MAOB: variants seen among roughly 807,000 people sequenced by gnomAD.
MAOB encodes the protein amine oxidase [flavin-containing] B.
A neutral mutation model predicts 41.9 loss-of-function variants in MAOB; 15 were observed. That is an observed-to-expected ratio of 0.36 (90% confidence interval 0.24 to 0.55). The LOEUF (loss-of-function observed/expected upper bound fraction) is 0.55, where lower values mean the gene tolerates loss of function less well. Ranked by LOEUF, MAOB falls within the 20% of genes least tolerant of loss-of-function variation. The pLI is 0.86. For missense variants in MAOB, 345 were observed against 398.7 expected (o/e 0.87, Z 1.15); for synonymous variants, 167 against 144.2 (o/e 1.16, Z -1.13).
chrX:43,774,302 TTAAC>T (rs1024486315), intron 12 of MAOB, among the ~76,000 whole-genome samples: 1 of 111,791 alleles, frequency 8.9e-6, no homozygotes, highest in African/African-American at 3.3e-5. Flanking sequence ...ATCAAATAAA[TTAAC>T]TAAACAACAA....
rs113172112 is a variant in MAOB at position 43,775,820 on chromosome X, G to A, written c.1138-548C>T. On this transcript the variant is annotated intron_variant, in intron 11 of 14. Transcript: ENST00000378069. ...AAAAATATGTTTTTGACACGAACAGGAAAAATTGGCAGAGATTTTGTAAAG... is the reference window on the plus strand; with the variant it reads ...AAAAATATGTTTTTGACACGAACAGAAAAAATTGGCAGAGATTTTGTAAAG... Among the ~76,000 whole-genome samples, 757 of 112,011 alleles carry A rather than the reference G, an allele frequency of 6.8e-3. 12 individuals are homozygous for A. The highest frequency in any genetic ancestry group is 0.024 in the African/African-American group (734 of 30,859).
chrX:43,840,929 T>C (rs1348963161), intron 2 of MAOB, among the ~76,000 whole-genome samples: 1 of 102,507 alleles, frequency 9.8e-6, no homozygotes, highest in Non-Finnish European at 2.0e-5. Context: ...AAGTGGTGCC[T>C]GGAACACCAG....
At chrX:43,830,203 C>T (rs936034646) in intron 3 of MAOB, among the ~76,000 whole-genome samples, 8 of 111,761 alleles carry the variant, frequency 7.2e-5, no homozygotes, top group African/African-American at 2.6e-4. Flanking sequence ...AGATTTCACG[C>T]ATATATCAAA....
intron 1 of MAOB, among the ~76,000 whole-genome samples, chrX:43,871,757 C>T (rs894979660): frequency 9.1e-6 from 1 of 109,664 alleles, no homozygotes; most frequent in African/African-American, 3.3e-5. Flanking sequence ...TTTGATGAAA[C>T]GAGGACAACT....
At chrX:43,771,122 A>G (rs1039182265) in intron 12 of MAOB, among the ~76,000 whole-genome samples, 2 of 111,963 alleles carry the variant, frequency 1.8e-5, no homozygotes, top group Non-Finnish European at 3.8e-5. Context: ...GGAGAAGAAA[A>G]TACAAGGAGA....
chrX:43,807,989 G>C (rs551203087), intron 3 of MAOB, among the ~76,000 whole-genome samples: 1 of 111,369 alleles, frequency 9.0e-6, no homozygotes, highest in African/African-American at 3.3e-5. Context: ...ACCCACTATG[G>C]TCTCTGCAGA....
intron 3 of MAOB, among the ~76,000 whole-genome samples, chrX:43,825,019 A>G (rs962264001): frequency 2.7e-5 from 3 of 112,678 alleles, no homozygotes; most frequent in African/African-American, 9.7e-5. Flanking sequence ...TCTAGGCCCT[A>G]TGCCATTTAG....
chrX:43,771,443 C>T (rs1431734065), intron 12 of MAOB, among the ~76,000 whole-genome samples: 1 of 111,478 alleles, frequency 9.0e-6, no homozygotes, highest in African/African-American at 3.3e-5. Flanking sequence ...ATAATATTTT[C>T]AATTTATGGT....
At chrX:43,822,893 A>G (rs2034899228) in intron 3 of MAOB, among the ~76,000 whole-genome samples, 1 of 110,551 alleles carries the variant, frequency 9.0e-6, no homozygotes, top group African/African-American at 3.3e-5. Flanking sequence ...CACCATCACC[A>G]TCATCATCAT....
chrX:43,810,604 A>T (rs1323225672), intron 3 of MAOB, among the ~76,000 whole-genome samples: 1 of 110,011 alleles, frequency 9.1e-6, no homozygotes, highest in Non-Finnish European at 1.9e-5. Flanking sequence ...TAATAATAAT[A>T]AAAAAAAGAA....
intron 3 of MAOB, among the ~76,000 whole-genome samples, chrX:43,812,331 G>T (rs1601996997): frequency 8.9e-6 from 1 of 112,484 alleles, no homozygotes; most frequent in Non-Finnish European, 1.9e-5. Context: ...TCTTTGATAT[G>T]CTGATTTCCT....
chrX:43,864,138 T>C (rs1414650327), intron 1 of MAOB, among the ~76,000 whole-genome samples: 1 of 111,704 alleles, frequency 9.0e-6, no homozygotes, highest in Non-Finnish European at 1.9e-5. Context: ...ACTTACTACA[T>C]GTTAAACATA....
At chrX:43,781,699 A>G (rs773569491) in intron 8 of MAOB, among the ~76,000 whole-genome samples, 155 bp from the exon 9 acceptor site, 18 of 112,243 alleles carry the variant, frequency 1.6e-4, no homozygotes, top group African/African-American at 5.8e-4. Context: ...AACTGATGTC[A>G]AAGGAGGGAT....
intron 1 of MAOB, among the ~76,000 whole-genome samples, chrX:43,869,016 C>T (rs1300401024): frequency 1.8e-5 from 2 of 111,227 alleles, no homozygotes; most frequent in Admixed American, 9.6e-5. Context: ...GCAAAGATTT[C>T]GGGTAGATAG....
intron 3 of MAOB, among the ~76,000 whole-genome samples, chrX:43,827,743 C>T (rs1177348233): frequency 1.8e-5 from 2 of 111,944 alleles, no homozygotes; most frequent in Non-Finnish European, 3.8e-5. Context: ...ATAAACTTGG[C>T]ACACTAGAAG....
intron 5 of MAOB, among the ~76,000 whole-genome samples, chrX:43,800,676 A>G (rs1466401429): frequency 1.8e-5 from 2 of 111,700 alleles, no homozygotes; most frequent in African/African-American, 3.2e-5. Flanking sequence ...GGACAAATAC[A>G]TTACGTATTC....
At chrX:43,867,639 C>T (rs1290846280) in intron 1 of MAOB, among the ~76,000 whole-genome samples, 3 of 112,141 alleles carry the variant, frequency 2.7e-5, no homozygotes, top group Admixed American at 9.4e-5. Flanking sequence ...CTTATAGGAA[C>T]GCTGTATTTG....
At chrX:43,858,560 G>A (rs754032396) in intron 1 of MAOB, among the ~76,000 whole-genome samples, 2 of 110,396 alleles carry the variant, frequency 1.8e-5, no homozygotes, top group African/African-American at 6.6e-5. Flanking sequence ...CAGTTCAAGT[G>A]TCACCTCCTC....
intron 1 of MAOB, among the ~76,000 whole-genome samples, chrX:43,845,806 G>T (rs989052568): frequency 8.9e-6 from 1 of 112,275 alleles, no homozygotes; most frequent in African/African-American, 3.2e-5. Context: ...ATAATGAAAA[G>T]CCAAGGCTTT....
Sources: allele counts gnomAD v4.1 joint callset (sites outside exome capture counted in the v4.1 genomes callset), GRCh38; gene constraint gnomAD v4.1.1; transcripts MANE v1.5; gene names NCBI Gene and HGNC (gene_info 2026-07-23, HGNC 2026-07-21).